Variants in MYO9A observed in about 807,000 individuals in gnomAD.
MYO9A encodes unconventional myosin-IXa.
MYO9A carries 103 observed loss-of-function variants against 293.3 expected under a neutral mutation model. The ratio of observed to expected loss-of-function variants is 0.35; its 90% confidence interval spans 0.30 to 0.41. The LOEUF is 0.41. MYO9A is among the 10% of genes least tolerant of loss of function. The pLI, the probability that MYO9A is intolerant of heterozygous loss-of-function variation, is 1.00. For missense variants in MYO9A, 2,685 were observed against 3,033.0 expected (o/e 0.89, Z 2.69); for synonymous variants, 1,001 against 1,035.7 (o/e 0.97, Z 0.64).
intron 25 of MYO9A, 127 bp downstream of exon 25, chr15:71,897,334 T>C (rs1362441500): frequency 1.9e-6 from 2 of 1,035,458 alleles, no homozygotes; most frequent in Non-Finnish European, 2.8e-6. Flanking sequence ...TTAGGGAATA[T>C]TTTTACAAAG....
intron 1 of MYO9A, among the ~76,000 whole-genome samples, chr15:72,099,058 C>T (rs920338966): frequency 1.3e-5 from 2 of 152,026 alleles, no homozygotes; most frequent in Non-Finnish European, 2.9e-5. Context: ...TACTGGGAAG[C>T]GGAGGCAGAA....
At chr15:71,827,117 C>A in intron 41 of MYO9A, 74 bp from the exon 42 acceptor site, 19 of 1,134,234 alleles carry the variant, frequency 1.7e-5, no homozygotes, top group Non-Finnish European at 2.4e-5. Context: ...TGAATAGATG[C>A]CACTGTTCAC....
Position 72,118,124 on chromosome 15 carries a change from C to A in MYO9A, c.-516G>T, listed in dbSNP as rs1002341971. The A allele has an allele frequency of 7.8e-6, 3 of 383,338 alleles. No homozygotes were observed. The highest frequency in any genetic ancestry group is 4.5e-5 in the Admixed American group (1 of 22,164). 23.7% of individuals were successfully genotyped at this position (383,338 alleles called of 1,614,324 possible). ...CGCGGCCCCGCCCCGCGCGACTCCC[C>A]GGCTGCAGGCGAGCAGGCGCGCGCG... On this transcript the variant is annotated 5_prime_UTR_variant, in exon 1 of 42. Transcript: ENST00000356056.
chr15:71,875,513 G>T (rs1197426184), intron 32 of MYO9A, among the ~76,000 whole-genome samples: 1 of 152,094 alleles, frequency 6.6e-6, no homozygotes, highest in Non-Finnish European at 1.5e-5. Flanking sequence ...GAAAACTCCT[G>T]AAGAGCTCCT....
rs2057427458 is a variant in MYO9A, at chr15:71,899,696, G to T, written c.3461C>A (p.Ala1154Glu). 3 of 1,611,886 alleles carry T rather than the reference G, an allele frequency of 1.9e-6. No individual in the cohort carries two copies. The highest frequency in any genetic ancestry group is 2.7e-5 in the African/African-American group (2 of 74,714). Residue 1154 changes from alanine to glutamate, a missense_variant, in exon 24 of 42, where the codon GCA becomes GAA. Around this residue, in one of 10 missense-constraint regions of MYO9A, gnomAD observed 1,434 missense variants for 1,497.7 expected, o/e 0.96. Transcript: ENST00000356056. ...LLQSTCRGFRARQRFKALKEQ... is the reference protein window; with the variant it reads ...LLQSTCRGFRERQRFKALKEQ... ...TAGTAATAGAGATTACCTTTGTCTT[G>T]CTCTGAATCCTCTACATGTTGATTG...
upstream of MYO9A, chr15:72,118,489 G>GT (rs1156434395): frequency 2.0e-5 from 3 of 152,324 alleles, no homozygotes; most frequent in African/African-American, 7.2e-5. Context: ...CCCCACTTCG[G>GT]TTTGTCTCGG....
At chr15:72,004,181 T>C (rs953709047) in intron 8 of MYO9A, among the ~76,000 whole-genome samples, 1 of 152,244 alleles carries the variant, frequency 6.6e-6, no homozygotes, top group African/African-American at 2.4e-5. Context: ...AAACTATTAA[T>C]ACAGAACAAG....
At chr15:71,841,801 T>TTTTTTTTTG (rs1344329162) in intron 39 of MYO9A, among the ~76,000 whole-genome samples, 2 of 146,446 alleles carry the variant, frequency 1.4e-5, no homozygotes, top group Admixed American at 6.7e-5. Context: ...AGGGGTAGTT[T>TTTTTTTTTG]TTTTTTTTGT....
At position 72,024,379 on chromosome 15, in the gene MYO9A, C is replaced by A. The variant is rs1206314680; in HGVS notation, c.998+3352G>T. On this transcript the variant is annotated intron_variant, in intron 4 of 41. Coordinates refer to ENST00000356056, the MANE Select transcript of MYO9A (RefSeq NM_006901.4). ...ACTCACTGCAACCTCTATCTCGTTT[C>A]AAGTGATCCTCTCACCTCAGCCTCC... 3.9e-5 allele frequency among the ~76,000 whole-genome samples: 6 copies of A among 152,256 alleles called. No homozygotes were observed. The South Asian group carries it at 8.3e-4, about 21-fold the overall frequency.
chr15:72,071,324 G>A (rs1300943201), intron 1 of MYO9A, among the ~76,000 whole-genome samples: 2 of 152,078 alleles, frequency 1.3e-5, no homozygotes, highest in African/African-American at 2.4e-5. Flanking sequence ...TCAGGGAAAT[G>A]CAAATTAAAA....
Position 71,925,258 on chromosome 15 carries a change from C to CGT in MYO9A, c.2562+8411_2562+8412insAC, listed in dbSNP as rs1168579096. The stretch of plus-strand genomic sequence containing the variant: ...ACATATATATACATATACGTATACA[C>CGT]ATATATACATATATACATATACGTA... On this transcript the variant is annotated intron_variant, in intron 18 of 41. Transcript: ENST00000356056. 7.0e-3 allele frequency among the ~76,000 whole-genome samples: 1,028 copies of CGT among 147,242 alleles called. 19 individuals are homozygous for CGT. The highest frequency in any genetic ancestry group is 0.024 in the African/African-American group (960 of 39,272).
chr15:71,841,810 G>GTTTTTTTTTGT (rs113118580), intron 39 of MYO9A, among the ~76,000 whole-genome samples: 10,601 of 144,616 alleles, frequency 0.073, 725 homozygotes, highest in African/African-American at 0.17. Flanking sequence ...TTTTTTTTTT[G>GTTTTTTTTTGT]TTTTTTTTGT....
At chr15:72,097,064 G>A (rs1381662820) in intron 1 of MYO9A, among the ~76,000 whole-genome samples, 1 of 152,172 alleles carries the variant, frequency 6.6e-6, no homozygotes, top group Non-Finnish European at 1.5e-5. Context: ...AAATGACAAC[G>A]AAGTATGTAT....
At chr15:72,069,237 C>T (rs1376453968) in intron 1 of MYO9A, among the ~76,000 whole-genome samples, 3 of 152,078 alleles carry the variant, frequency 2.0e-5, no homozygotes, top group Admixed American at 2.0e-4. Flanking sequence ...TAAAAAGAAA[C>T]TAGAAGGTGC....
chr15:72,084,488 A>G (rs995715391), intron 1 of MYO9A, among the ~76,000 whole-genome samples: 5 of 152,086 alleles, frequency 3.3e-5, no homozygotes, highest in African/African-American at 7.2e-5. Flanking sequence ...GTTAGTATTG[A>G]TAAGTGTGGA....
Position 71,903,003 on chromosome 15 carries a change from T to G in MYO9A, c.2938A>C (p.Ile980Leu), listed in dbSNP as rs776321559. The G allele has an allele frequency of 1.3e-6, 2 of 1,587,388 alleles. No homozygotes were observed. Among genetic ancestry groups the G allele is most frequent in the Middle Eastern group, 1.7e-4 (1 of 6,034 alleles). Residue 980 changes from isoleucine (I) to leucine (L), a missense_variant, in exon 22 of 42, where the codon ATT becomes CTT. Ile to Leu is a conservative substitution (Grantham distance 5). Transcript: ENST00000356056. Reference protein sequence around the residue: ...PRNIIPSKFNIQDFFRKINLN... With the variant: ...PRNIIPSKFNLQDFFRKINLN... Reference sequence around the variant, plus strand: ...TTTATTTTCCTGAAGAAATCCTGAATGTTAAATTTGGATGGAATAATATTT... The same window carrying G: ...TTTATTTTCCTGAAGAAATCCTGAAGGTTAAATTTGGATGGAATAATATTT...
At chr15:71,912,450 T>G (rs2057886523) in intron 19 of MYO9A, among the ~76,000 whole-genome samples, 1 of 152,140 alleles carries the variant, frequency 6.6e-6, no homozygotes, top group East Asian at 1.9e-4. Flanking sequence ...GAGATGGGGA[T>G]TCACCATGTT....
intron 1 of MYO9A, among the ~76,000 whole-genome samples, chr15:72,081,946 TAC>T (rs1200014603): frequency 1.3e-5 from 2 of 152,212 alleles, no homozygotes; most frequent in African/African-American, 4.8e-5. Context: ...CCCTTTGTAG[TAC>T]AGTTTGAAGT....
intron 38 of MYO9A, among the ~76,000 whole-genome samples, chr15:71,849,570 T>C (rs917915691): frequency 3.9e-5 from 6 of 152,010 alleles, no homozygotes; most frequent in Non-Finnish European, 8.8e-5. Flanking sequence ...GATCCAAATA[T>C]TGATATATTT....
Sources: gnomAD v4.1 joint callset for allele counts (sites outside exome capture counted in the v4.1 genomes callset) on GRCh38, gnomAD v4.1.1 for gene constraint, gnomAD v4.1.1 regional missense constraint, MANE v1.5 for transcripts, NCBI Gene and HGNC (gene_info 2026-07-23, HGNC 2026-07-21) for gene names.